Variants in CPB1 observed in about 807,000 individuals in gnomAD.
CPB1 encodes carboxypeptidase B.
A neutral mutation model predicts 51.4 loss-of-function variants in CPB1; 53 were observed. The ratio of observed to expected loss-of-function variants is 1.03; its 90% CI spans 0.83 to 1.30. The LOEUF is 1.30. Among genes scored for constraint, CPB1 ranks in the 50% most tolerant of loss-of-function variants. The pLI is 0.00. For synonymous variants in CPB1, 189 were observed against 186.9 expected, an observed-to-expected ratio of 1.01 and a Z score of -0.09; for missense variants, 494 against 516.2, an observed-to-expected ratio of 0.96 and a Z score of 0.42.
intron 9 of CPB1, among the ~76,000 whole-genome samples, chr3:148,847,810 C>T (rs956488676): frequency 6.6e-6 from 1 of 152,120 alleles, no homozygotes; most frequent in Non-Finnish European, 1.5e-5. Flanking sequence ...AATAAAAATA[C>T]ATGCCACTTT....
intron 2 of CPB1, among the ~76,000 whole-genome samples, chr3:148,834,241 A>G (rs957647191): frequency 6.6e-6 from 1 of 152,228 alleles, no homozygotes; most frequent in Non-Finnish European, 1.5e-5. Flanking sequence ...ACAACCAACT[A>G]GCATTATGGG....
chr3:148,857,561 C>A lies in CPB1; in HGVS notation c.1066+20C>A. 1 of 1,593,442 alleles carries A rather than the reference C, an allele frequency of 6.3e-7. No individual in the cohort carries two copies. Among genetic ancestry groups the A allele is most frequent in the Non-Finnish European group, 8.6e-7 (1 of 1,161,648 alleles). On this transcript the variant is annotated intron_variant, in intron 10 of 10. Coordinates refer to ENST00000282957, the MANE Select transcript of CPB1 (RefSeq NM_001871.3). ...CAATCTGTGAGTCTTGGCTTCAGAA[C>A]TGTGCAAAGAACCATGTGCCTAAAA...
intron 2 of CPB1, among the ~76,000 whole-genome samples, chr3:148,829,538 T>C (rs556370763): frequency 1.0e-3 from 152 of 152,346 alleles, no homozygotes; most frequent in Non-Finnish European, 1.7e-3. Flanking sequence ...ATTGACTTTT[T>C]TCACCTAAAT....
At chr3:148,845,804 C>A (rs557948413) in intron 9 of CPB1, among the ~76,000 whole-genome samples, 178 bp downstream of exon 9, 1 of 152,224 alleles carries the variant, frequency 6.6e-6, no homozygotes, top group Middle Eastern at 3.4e-3. Flanking sequence ...AAAAGAAATA[C>A]AATTTTCACG....
At chr3:148,835,450 A>G (rs565167828) in intron 3 of CPB1, among the ~76,000 whole-genome samples, 1 of 152,298 alleles carries the variant, frequency 6.6e-6, no homozygotes, top group South Asian at 2.1e-4. Flanking sequence ...GGGCTGTCCT[A>G]GGAAATGATT....
At chr3:148,837,466 T>C (rs1240705416) in intron 3 of CPB1, among the ~76,000 whole-genome samples, 1 of 149,126 alleles carries the variant, frequency 6.7e-6, no homozygotes, top group African/African-American at 2.5e-5. Context: ...GTTATCTAAT[T>C]TGCTTGTGTG....
intron 3 of CPB1, among the ~76,000 whole-genome samples, chr3:148,840,313 A>AAGAT (rs3836278): frequency 0.34 from 51,458 of 151,754 alleles, 10,419 homozygotes; most frequent in Middle Eastern, 0.45. Flanking sequence ...AGAAAGACCA[A>AAGAT]AGATAGGTTT....
In CPB1 at chr3:148,840,943, A is replaced by G. The variant is rs771503668; in HGVS notation, c.442A>G (p.Thr148Ala). The G allele has an allele frequency of 1.9e-6, 3 of 1,614,116 alleles. No homozygotes were observed. The highest frequency in any genetic ancestry group is 2.5e-6 in the Non-Finnish European group (3 of 1,179,986). ...ALISRSVIGT[T>A]FEGRAIYLLK... ...CATCTCTCGCAGTGTTATCGGAACC[A>G]CATTTGAGGGACGCGCTATTTACCT... The change falls in exon 5 of 11, where the codon ACA (threonine) becomes GCA (alanine). Residue 148 changes from threonine (T) to alanine (A), a missense_variant. Coordinates refer to ENST00000282957, the MANE Select transcript of CPB1 (RefSeq NM_001871.3).
intron 9 of CPB1, among the ~76,000 whole-genome samples, chr3:148,850,088 A>G (rs916511214): frequency 2.0e-5 from 3 of 152,244 alleles, no homozygotes; most frequent in Non-Finnish European, 4.4e-5. Context: ...CTCATGGCCT[A>G]GTCTTTATGA....
At chr3:148,858,612 G>A (rs992038519) in intron 10 of CPB1, among the ~76,000 whole-genome samples, 2 of 151,514 alleles carry the variant, frequency 1.3e-5, no homozygotes, top group Non-Finnish European at 2.9e-5. Context: ...CTAAACAGAC[G>A]ACAAACAAGT....
chr3:148,827,896 T>TTAG lies in CPB1; in HGVS notation c.71+2_71+3insTAG. 1 of 1,614,076 alleles carries TTAG rather than the reference T, an allele frequency of 6.2e-7. No homozygotes were observed. ...TCATGGTGGTGAGCACTTTGAAGGG[T>TTAG]AAGTAAGCCATCTTTAAGGAGCAAG... On this transcript the variant is annotated splice_region_variant and intron_variant, in intron 1 of 10. Coordinates refer to ENST00000282957, the MANE Select transcript of CPB1 (RefSeq NM_001871.3).
intron 10 of CPB1, 191 bp downstream of exon 10, chr3:148,857,732 T>A: frequency 2.1e-6 from 1 of 471,012 alleles, no homozygotes; most frequent in Non-Finnish European, 3.7e-6. Flanking sequence ...CATAGCAAAC[T>A]TTTCTCTAAA....
intron 9 of CPB1, among the ~76,000 whole-genome samples, chr3:148,849,022 T>TTTC (rs1460147442): frequency 0.033 from 3 of 92 alleles, 1 homozygote; most frequent in African/African-American, 1. Context: ...CTTTTTTTTT[T>TTTC]TTTTTTTTTT....
chr3:148,857,463 C>T lies in CPB1; in HGVS notation c.988C>T (p.Leu330=). The change falls in exon 10 of 11, where the codon CTG becomes TTG. Residue 330 remains leucine, a synonymous_variant. Transcript: ENST00000282957. ...LGENNAELNA[L]AKATVKELAS... is the part of the protein sequence containing the mutation. Reference sequence around the variant, plus strand: ...ATTCCTGTTTCTTTTGCAGAATGCCCTGGCTAAAGCTACTGTGAAAGAACT... The same window carrying T: ...ATTCCTGTTTCTTTTGCAGAATGCCTTGGCTAAAGCTACTGTGAAAGAACT... 6.2e-7 allele frequency: 1 copy of T among 1,613,596 alleles called. No individual in the cohort carries two copies. The highest frequency in any genetic ancestry group is 8.5e-7 in the Non-Finnish European group (1 of 1,179,650).
intron 9 of CPB1, among the ~76,000 whole-genome samples, chr3:148,850,530 C>T (rs1713396606): frequency 6.6e-6 from 1 of 152,068 alleles, no homozygotes; most frequent in Non-Finnish European, 1.5e-5. Flanking sequence ...TCTCGATCTC[C>T]TGACCTTGTG....
chr3:148,831,731 A>C lies in CPB1; in HGVS notation c.148-2767A>C, dbSNP rs79032422. Among the ~76,000 whole-genome samples the C allele has an allele frequency of 2.2e-3, 330 of 152,308 alleles. 8 individuals carry two copies. In the East Asian group the frequency reaches 0.048, roughly 22 times the overall value. On this transcript the variant is annotated intron_variant, in intron 2 of 10. Coordinates refer to ENST00000282957, the MANE Select transcript of CPB1 (RefSeq NM_001871.3). Reference sequence around the variant, plus strand: ...TCTTTGTCACATTTATAATTTTATAACTTCAGTTTTCTAACTTCATAATGT... The same window carrying C: ...TCTTTGTCACATTTATAATTTTATACCTTCAGTTTTCTAACTTCATAATGT...
chr3:148,841,745 C>G (rs1172016030), intron 5 of CPB1, 78 bp from the exon 6 acceptor site: 2 of 1,110,826 alleles, frequency 1.8e-6, no homozygotes, highest in African/African-American at 1.5e-5. Context: ...GAGTCTCAAG[C>G]CCAGATGGGT....
intron 2 of CPB1, among the ~76,000 whole-genome samples, chr3:148,833,955 G>C (rs921110916): frequency 4.4e-5 from 6 of 135,356 alleles, no homozygotes; most frequent in Non-Finnish European, 8.5e-5. Context: ...CAGCCACAGT[G>C]TCAATATACC....
chr3:148,855,526 A>G (rs1713548203), intron 9 of CPB1: 1 of 152,232 alleles, frequency 6.6e-6, no homozygotes, highest in Non-Finnish European at 1.5e-5. Context: ...ACAGATCACA[A>G]GTAGCCCCCT....
Sources: allele counts gnomAD v4.1 joint callset (sites outside exome capture counted in the v4.1 genomes callset), GRCh38; gene constraint gnomAD v4.1.1; transcripts MANE v1.5; gene names NCBI Gene and HGNC (gene_info 2026-07-23, HGNC 2026-07-21).